The following NCAM1 variants were observed in gnomAD, a reference collection of about 807,000 sequenced individuals.
NCAM1 encodes the protein neural cell adhesion molecule 1.
Under a neutral mutation model 109.8 loss-of-function variants are expected in NCAM1, and 14 were observed. That is an observed-to-expected ratio of 0.13 (90% CI 0.08 to 0.20). NCAM1 has a LOEUF of 0.20. Ranked by LOEUF, NCAM1 falls within the 10% of genes least tolerant of loss-of-function variation. NCAM1 has a pLI of 1.00. For missense variants in NCAM1, 774 were observed against 1,109.9 expected, an observed-to-expected ratio of 0.70 and a Z score of 4.30; for synonymous variants, 418 against 442.9, an observed-to-expected ratio of 0.94 and a Z score of 0.70.
chr11:113,000,663 T>G (rs538297003), intron 1 of NCAM1, among the ~76,000 whole-genome samples: 2 of 152,004 alleles, frequency 1.3e-5, no homozygotes, highest in South Asian at 2.1e-4. Context: ...GGCTGTTATA[T>G]TGATGGATCT....
At chr11:113,104,468 A>G (rs1294746464) in intron 1 of NCAM1, among the ~76,000 whole-genome samples, 2 of 151,904 alleles carry the variant, frequency 1.3e-5, no homozygotes, top group Non-Finnish European at 2.9e-5. Context: ...AAACTTATCT[A>G]TTTGTTATTG....
intron 1 of NCAM1, among the ~76,000 whole-genome samples, chr11:113,031,742 G>A (rs1555078380): frequency 6.6e-6 from 1 of 152,068 alleles, no homozygotes; most frequent in Non-Finnish European, 1.5e-5. Context: ...TATAGTATGA[G>A]AGCTGAGGCA....
intron 2 of NCAM1, among the ~76,000 whole-genome samples, chr11:113,202,797 C>G (rs1210968295): frequency 6.6e-6 from 1 of 152,226 alleles, no homozygotes; most frequent in Non-Finnish European, 1.5e-5. Context: ...CAATGGAGAA[C>G]AGCACTGGCT....
At chr11:113,057,023 A>G (rs12417498) in intron 1 of NCAM1, among the ~76,000 whole-genome samples, 6 of 152,324 alleles carry the variant, frequency 3.9e-5, no homozygotes, top group African/African-American at 1.4e-4. Context: ...AAGAATACGT[A>G]TGTCATAGCC....
intron 1 of NCAM1, among the ~76,000 whole-genome samples, chr11:113,146,391 A>C (rs143895969): frequency 6.6e-6 from 1 of 152,202 alleles, no homozygotes; most frequent in Non-Finnish European, 1.5e-5. Context: ...TTGCTAAATG[A>C]ACCTGTTTGA....
intron 1 of NCAM1, among the ~76,000 whole-genome samples, chr11:113,154,680 G>A (rs1481212493): frequency 1.3e-5 from 2 of 152,114 alleles, no homozygotes; most frequent in Non-Finnish European, 2.9e-5. Flanking sequence ...TTTTAGTTGA[G>A]ACTGAAGGAG....
intron 1 of NCAM1, among the ~76,000 whole-genome samples, chr11:113,022,421 A>G (rs1207439908): frequency 6.6e-6 from 1 of 152,226 alleles, no homozygotes; most frequent in Non-Finnish European, 1.5e-5. Flanking sequence ...ATCCTAAGAT[A>G]TCATCCTAAG....
chr11:113,092,530 G>A (rs1275405311), intron 1 of NCAM1, among the ~76,000 whole-genome samples: 2 of 152,130 alleles, frequency 1.3e-5, no homozygotes, highest in Non-Finnish European at 2.9e-5. Flanking sequence ...CAGCTACCAA[G>A]TAGTGGAATT....
chr11:112,969,579 T>C (rs1399303518), intron 1 of NCAM1, among the ~76,000 whole-genome samples: 1 of 151,956 alleles, frequency 6.6e-6, no homozygotes, highest in Non-Finnish European at 1.5e-5. Flanking sequence ...TGTTTCCCCA[T>C]CTGTAAAATG....
chr11:112,995,552 A>G (rs1951570632), intron 1 of NCAM1, among the ~76,000 whole-genome samples: 1 of 152,232 alleles, frequency 6.6e-6, no homozygotes, highest in Non-Finnish European at 1.5e-5. Context: ...AGGAATAGCC[A>G]GAATTGTTTT....
intron 9 of NCAM1, among the ~76,000 whole-genome samples, chr11:113,222,096 T>G (rs1473991847): frequency 6.6e-6 from 1 of 152,210 alleles, no homozygotes; most frequent in Non-Finnish European, 1.5e-5. Flanking sequence ...TTTACCCGAT[T>G]TATATGAAGT....
In NCAM1 at chr11:113,276,063, T is replaced by C. The variant is rs635903; in HGVS notation, c.*676T>C. The C allele has an allele frequency of 0.62, 94,716 of 152,488 alleles. 30,857 individuals carry two copies. The highest frequency in any genetic ancestry group is 0.76 in the African/African-American group (31,515 of 41,464). 9.4% of individuals were successfully genotyped at this position (152,488 alleles called of 1,614,324 possible). ...TATTCAGACTTCTTTTTCTTTCTTTTACATTCTTTTTTCTTTCTTTCTTTC... is the reference window on the plus strand; with the variant it reads ...TATTCAGACTTCTTTTTCTTTCTTTCACATTCTTTTTTCTTTCTTTCTTTC... On this transcript the variant is annotated 3_prime_UTR_variant, in exon 20 of 20. Transcript: ENST00000316851.
chr11:113,241,896 A>G (rs114462732), intron 14 of NCAM1, among the ~76,000 whole-genome samples: 74 of 152,322 alleles, frequency 4.9e-4, no homozygotes, highest in African/African-American at 1.8e-3. Context: ...AGGTGACTCA[A>G]GCCTCAAGCT....
At chr11:113,236,199 G>C (rs1555118234) in intron 14 of NCAM1, 2 of 1,212,998 alleles carry the variant, frequency 1.6e-6, no homozygotes, top group African/African-American at 3.0e-5. Context: ...AGCTCCATGT[G>C]CTCTGCGGAT....
chr11:113,100,499 A>G (rs1939825856), intron 1 of NCAM1, among the ~76,000 whole-genome samples: 1 of 152,098 alleles, frequency 6.6e-6, no homozygotes, highest in Admixed American at 6.6e-5. Flanking sequence ...CACTTGAAGG[A>G]TGGTGAATGC....
At chr11:113,082,647 AAAC>A (rs1565425513) in intron 1 of NCAM1, among the ~76,000 whole-genome samples, 1 of 152,230 alleles carries the variant, frequency 6.6e-6, no homozygotes, top group Non-Finnish European at 1.5e-5. Flanking sequence ...CCTTTTATAA[AAAC>A]AACAAAGGCA....
Position 113,204,349 on chromosome 11 carries a change from C to T in NCAM1, c.191C>T (p.Pro64Leu). The T allele has an allele frequency of 1.9e-6, 3 of 1,613,940 alleles. No homozygotes were observed. Among genetic ancestry groups the T allele is most frequent in the South Asian group, 2.2e-5 (2 of 91,058 alleles). Residue 64 changes from proline (P) to leucine (L), a missense_variant, in exon 3 of 20, where the codon CCA becomes CTA. Coordinates refer to ENST00000316851, the MANE Select transcript of NCAM1 (RefSeq NM_181351.5). ...TCCCCCAATGGAGAAAAGCTCACCC[C>T]AAACCAGCAGCGGATCTCAGTGGTG... ...WFSPNGEKLT[P>L]NQQRISVVWN...
At chr11:113,028,656 G>A (rs1952630370) in intron 1 of NCAM1, among the ~76,000 whole-genome samples, 1 of 152,138 alleles carries the variant, frequency 6.6e-6, no homozygotes, top group Admixed American at 6.5e-5. Flanking sequence ...CAGTGTATAT[G>A]CACATTTTAA....
chr11:113,187,305 T>C (rs2136666238), intron 1 of NCAM1, among the ~76,000 whole-genome samples: 1 of 152,260 alleles, frequency 6.6e-6, no homozygotes, highest in Middle Eastern at 3.4e-3. Context: ...TAGAATTGAA[T>C]TCATTTTGGG....
Sources: gnomAD v4.1 joint callset for allele counts (sites outside exome capture counted in the v4.1 genomes callset) on GRCh38, gnomAD v4.1.1 for gene constraint, MANE v1.5 for transcripts, NCBI Gene and HGNC (gene_info 2026-07-23, HGNC 2026-07-21) for gene names.